Variants in XYLT1 observed in about 807,000 individuals in gnomAD.
The protein encoded by XYLT1 is beta-D-xylosyltransferase 1.
In XYLT1, 36 loss-of-function variants were observed where a neutral mutation model predicts 91.3. That is an observed-to-expected ratio of 0.39 (90% confidence interval 0.30 to 0.52). The LOEUF (loss-of-function observed/expected upper bound fraction) is 0.52, where lower values mean the gene tolerates loss of function less well. Among genes scored for constraint, XYLT1 ranks in the 20% least tolerant of loss-of-function variants. The probability of loss-of-function intolerance (pLI) is 0.68; values close to 1 mark genes in which losing one functional copy is unlikely to be tolerated. For synonymous variants in XYLT1, 588 were observed against 532.0 expected, an observed-to-expected ratio of 1.11 and a Z score of -1.45; for missense variants, 1,242 against 1,284.5, an observed-to-expected ratio of 0.97 and a Z score of 0.51.
intron 1 of XYLT1, among the ~76,000 whole-genome samples, chr16:17,400,595 AAAAG>A (rs1014500332): frequency 4.8e-5 from 7 of 146,786 alleles, no homozygotes; most frequent in East Asian, 2.1e-4. Flanking sequence ...ATCTCAAAAA[AAAAG>A]AAAGAGAGGG....
intron 2 of XYLT1, among the ~76,000 whole-genome samples, chr16:17,315,977 AG>A (rs1323694189): frequency 6.6e-6 from 1 of 152,170 alleles, no homozygotes; most frequent in Non-Finnish European, 1.5e-5. Flanking sequence ...AGACGCCAGG[AG>A]AAGCTTAGGA....
chr16:17,444,379 G>A (rs181062458), intron 1 of XYLT1, among the ~76,000 whole-genome samples: 35 of 152,184 alleles, frequency 2.3e-4, no homozygotes, highest in Non-Finnish European at 4.7e-4. Context: ...TTCTCACTCT[G>A]TCACCCAGGT....
intron 1 of XYLT1, among the ~76,000 whole-genome samples, chr16:17,390,084 G>T (rs897195462): frequency 6.6e-6 from 1 of 152,160 alleles, no homozygotes; most frequent in Admixed American, 6.5e-5. Context: ...AAAGCAGCAG[G>T]AGAGGGGAAT....
chr16:17,270,140 C>T (rs568871335), intron 2 of XYLT1, among the ~76,000 whole-genome samples: 6 of 152,344 alleles, frequency 3.9e-5, no homozygotes, highest in African/African-American at 1.4e-4. Context: ...CACCCAGTCA[C>T]CTCTGAACAA....
At chr16:17,420,353 T>C (rs773944998) in intron 1 of XYLT1, among the ~76,000 whole-genome samples, 2 of 152,240 alleles carry the variant, frequency 1.3e-5, no homozygotes, top group African/African-American at 2.4e-5. Context: ...CGCTAATTAT[T>C]ATTAGCAATA....
At chr16:17,293,303 A>G (rs16968710) in intron 2 of XYLT1, among the ~76,000 whole-genome samples, 29,099 of 151,982 alleles carry the variant, frequency 0.19, 3,089 homozygotes, top group African/African-American at 0.25. Flanking sequence ...CCCAACAACT[A>G]GTATTTAATT....
intron 10 of XYLT1, among the ~76,000 whole-genome samples, chr16:17,118,701 TC>T (rs1231073539): frequency 6.6e-6 from 1 of 152,134 alleles, no homozygotes; most frequent in Non-Finnish European, 1.5e-5. Flanking sequence ...TTCTTCTATA[TC>T]CTGTAGTCAG....
intron 2 of XYLT1, among the ~76,000 whole-genome samples, chr16:17,305,707 T>C (rs1308532067): frequency 6.6e-6 from 1 of 152,102 alleles, no homozygotes; most frequent in Non-Finnish European, 1.5e-5. Context: ...AATACCTTCT[T>C]TCTTAACAGC....
chr16:17,324,148 C>T lies in XYLT1; in HGVS notation c.402+33864G>A, dbSNP rs1280397459. On this transcript the variant is annotated intron_variant, in intron 2 of 11. Transcript: ENST00000261381. ...TGGGGATTGCTAATTCTCTCTCCAC[C>T]TTGCCAATCCAGAGACAACAAGGGA... 2.0e-5 allele frequency among the ~76,000 whole-genome samples: 3 copies of T among 151,982 alleles called. No individual in the cohort carries two copies. The East Asian group carries it at 5.8e-4, about 29-fold the overall frequency.
chr16:17,435,869 A>G (rs1175410763), intron 1 of XYLT1, among the ~76,000 whole-genome samples: 1 of 152,234 alleles, frequency 6.6e-6, no homozygotes, highest in African/African-American at 2.4e-5. Flanking sequence ...TGAAGAATGC[A>G]TGACTTTATT....
chr16:17,253,823 T>TGAGAGAGAGA (rs3060128), intron 3 of XYLT1, among the ~76,000 whole-genome samples: 320 of 114,868 alleles, frequency 2.8e-3, no homozygotes, highest in African/African-American at 7.6e-3. Context: ...CCTTGCAACT[T>TGAGAGAGAGA]GAGAGAGAGA....
chr16:17,413,869 C>G (rs1232060245), intron 1 of XYLT1, among the ~76,000 whole-genome samples: 1 of 152,126 alleles, frequency 6.6e-6, no homozygotes, highest in Non-Finnish European at 1.5e-5. Flanking sequence ...GTCTATACCC[C>G]CTCAGCCATC....
intron 3 of XYLT1, among the ~76,000 whole-genome samples, chr16:17,214,515 T>C (rs145627474): frequency 2.6e-5 from 4 of 152,274 alleles, no homozygotes; most frequent in Admixed American, 2.6e-4. Context: ...TCCTGATCCA[T>C]AGAATCCAAG....
At chr16:17,279,157 A>C (rs916881166) in intron 2 of XYLT1, among the ~76,000 whole-genome samples, 4 of 152,148 alleles carry the variant, frequency 2.6e-5, no homozygotes, top group Non-Finnish European at 5.9e-5. Context: ...CTCAAGAGGC[A>C]GCGCGGCTCT....
At chr16:17,176,273 C>T (rs1310927779) in intron 5 of XYLT1, among the ~76,000 whole-genome samples, 1 of 152,230 alleles carries the variant, frequency 6.6e-6, no homozygotes, top group Non-Finnish European at 1.5e-5. Flanking sequence ...GTGGAACTGT[C>T]ACCCGGGCAG....
intron 1 of XYLT1, among the ~76,000 whole-genome samples, chr16:17,402,587 C>G (rs1324366440): frequency 6.6e-6 from 1 of 152,068 alleles, no homozygotes; most frequent in Non-Finnish European, 1.5e-5. Context: ...ACAGTTCCTC[C>G]TTTAAGACAT....
chr16:17,435,498 C>T (rs185556528), intron 1 of XYLT1, among the ~76,000 whole-genome samples: 11 of 152,188 alleles, frequency 7.2e-5, no homozygotes, highest in South Asian at 2.1e-4. Flanking sequence ...AAGAAGTGTA[C>T]GTGATGAGGG....
intron 5 of XYLT1, among the ~76,000 whole-genome samples, chr16:17,161,673 G>GCT (rs1321773095): frequency 4.4e-5 from 4 of 90,978 alleles, no homozygotes; most frequent in Admixed American, 9.6e-5. Flanking sequence ...CCAGTTTCTC[G>GCT]CGCGCTCTCT....
intron 1 of XYLT1, among the ~76,000 whole-genome samples, chr16:17,403,665 G>C (rs2035995183): frequency 6.6e-6 from 1 of 152,156 alleles, no homozygotes; most frequent in African/African-American, 2.4e-5. Context: ...CACAACACGT[G>C]GGGGAATCAT....
Sources: gnomAD v4.1 joint callset for allele counts (sites outside exome capture counted in the v4.1 genomes callset) on GRCh38, gnomAD v4.1.1 for gene constraint, MANE v1.5 for transcripts, NCBI Gene and HGNC (gene_info 2026-07-23, HGNC 2026-07-21) for gene names.